The following MITF variants were observed in gnomAD, a reference collection of about 807,000 sequenced individuals.
The protein encoded by MITF is melanocyte inducing transcription factor, also known as microphthalmia-associated transcription factor.
Under a neutral mutation model 60.5 loss-of-function variants are expected in MITF, and 17 were observed. The ratio of observed to expected loss-of-function variants is 0.28; its 90% CI spans 0.19 to 0.42. The LOEUF is 0.42. Among genes scored for constraint, MITF ranks in the 10% least tolerant of loss-of-function variants. MITF has a pLI of 1.00. For missense variants in MITF, 622 were observed against 683.5 expected, an observed-to-expected ratio of 0.91 and a Z score of 1.00; for synonymous variants, 260 against 248.5, an observed-to-expected ratio of 1.05 and a Z score of -0.43.
At chr3:69,792,012 C>T (rs978468542) in intron 1 of MITF, among the ~76,000 whole-genome samples, 1 of 152,156 alleles carries the variant, frequency 6.6e-6, no homozygotes, top group Non-Finnish European at 1.5e-5. Flanking sequence ...GAGAGTTGCT[C>T]CTTGAAGTAG....
At chr3:69,869,632 C>T (rs904994623) in intron 1 of MITF, among the ~76,000 whole-genome samples, 1 of 152,142 alleles carries the variant, frequency 6.6e-6, no homozygotes, top group Non-Finnish European at 1.5e-5. Context: ...CTGAAAAGCC[C>T]TTCTGATACT....
chr3:69,945,353 C>G (rs2066069056), intron 5 of MITF, among the ~76,000 whole-genome samples: 1 of 152,130 alleles, frequency 6.6e-6, no homozygotes, highest in Admixed American at 6.5e-5. Flanking sequence ...AGTTTGTGCT[C>G]TGGAAGTGAA....
chr3:69,948,431 G>A (rs2066153747), intron 5 of MITF, among the ~76,000 whole-genome samples: 2 of 151,302 alleles, frequency 1.3e-5, no homozygotes, highest in South Asian at 4.2e-4. Context: ...TCTCTTGAAA[G>A]TGTAAATTTT....
chr3:69,895,897 T>C (rs1286997590), intron 2 of MITF, among the ~76,000 whole-genome samples: 2 of 151,616 alleles, frequency 1.3e-5, no homozygotes, highest in Admixed American at 1.3e-4. Flanking sequence ...CCATTTTCAC[T>C]GATCTTTCAA....
chr3:69,965,128 C>T lies in MITF; in HGVS notation c.1461C>T (p.Asp487=), dbSNP rs756305763. The T allele has an allele frequency of 9.9e-6, 16 of 1,613,988 alleles. No individual in the cohort carries two copies. Among genetic ancestry groups the T allele is most frequent in the East Asian group, 4.5e-5 (2 of 44,868 alleles). ...MGSKLEDILM[D]DTLSPVGVTD... ...CCAAACTGGAAGACATCCTGATGGACGACACCCTTTCTCCCGTCGGTGTCA... is the reference window on the plus strand; with the variant it reads ...CCAAACTGGAAGACATCCTGATGGATGACACCCTTTCTCCCGTCGGTGTCA... Residue 487 remains aspartate (D), a synonymous_variant, in exon 10 of 10, where the codon GAC becomes GAT. Transcript: ENST00000352241.
At chr3:69,792,857 A>C (rs574337159) in intron 1 of MITF, among the ~76,000 whole-genome samples, 1 of 152,182 alleles carries the variant, frequency 6.6e-6, no homozygotes, top group East Asian at 1.9e-4. Flanking sequence ...AAAAGATAGC[A>C]TTGCATATTT....
chr3:69,961,259 T>G (rs1205475773), intron 9 of MITF, among the ~76,000 whole-genome samples: 1 of 151,464 alleles, frequency 6.6e-6, no homozygotes, highest in African/African-American at 2.4e-5. Flanking sequence ...GGCGGGCGCC[T>G]GTAATCCCAG....
At chr3:69,838,203 G>A (rs2063569135) in intron 1 of MITF, among the ~76,000 whole-genome samples, 1 of 152,282 alleles carries the variant, frequency 6.6e-6, no homozygotes, top group African/African-American at 2.4e-5. Context: ...GGTTTGTCAA[G>A]TAGGCTATGC....
chr3:69,781,575 G>A (rs1262997828), intron 1 of MITF, among the ~76,000 whole-genome samples: 2 of 152,110 alleles, frequency 1.3e-5, no homozygotes, highest in Admixed American at 1.3e-4. Context: ...TTTTGAAAAC[G>A]TGTACAAAAT....
At chr3:69,957,605 C>G (rs1333294764) in intron 8 of MITF, among the ~76,000 whole-genome samples, 3 of 152,190 alleles carry the variant, frequency 2.0e-5, no homozygotes, top group South Asian at 2.1e-4. Context: ...ACCTTCATTT[C>G]CTATAGTCAG....
Position 69,923,524 on chromosome 3 carries a change from T to C in MITF, c.355-14298T>C, listed in dbSNP as rs1384747713. ...CACACCAGGCTAATTTTTGTATTTT[T>C]AGTAGAGATGGGGTTTCACCATGTT... On this transcript the variant is annotated intron_variant, in intron 2 of 9. Coordinates refer to ENST00000352241, the MANE Select transcript of MITF (RefSeq NM_001354604.2). Among the ~76,000 whole-genome samples the C allele has an allele frequency of 2.0e-5, 3 of 152,288 alleles. No individual in the cohort carries two copies. In the East Asian group the frequency reaches 5.8e-4, roughly 29 times the overall value.
At chr3:69,871,135 G>A (rs1353006209) in intron 1 of MITF, among the ~76,000 whole-genome samples, 3 of 152,068 alleles carry the variant, frequency 2.0e-5, no homozygotes, top group Non-Finnish European at 4.4e-5. Context: ...CTTCTCATTA[G>A]TCCTCTGTTC....
rs551853630 is a variant in MITF, at chr3:69,761,040, T to C, written c.104+21339T>C. Among the ~76,000 whole-genome samples the C allele has an allele frequency of 8.5e-5, 13 of 152,262 alleles. No individual in the cohort carries two copies. In the South Asian group the frequency reaches 2.7e-3, roughly 32 times the overall value. On this transcript the variant is annotated intron_variant, in intron 1 of 9. Coordinates refer to ENST00000352241, the MANE Select transcript of MITF (RefSeq NM_001354604.2). ...AGTGACAACAGAGCACAAAGAACAATAATAATAACAGTAGCATCTAGCATT... is the reference window on the plus strand; with the variant it reads ...AGTGACAACAGAGCACAAAGAACAACAATAATAACAGTAGCATCTAGCATT...
intron 1 of MITF, among the ~76,000 whole-genome samples, chr3:69,841,769 G>C (rs1024624686): frequency 2.0e-5 from 3 of 152,160 alleles, no homozygotes; most frequent in African/African-American, 7.2e-5. Context: ...GAAGTGGCAG[G>C]TCAATTTTAA....
rs1442495257 is a variant in MITF at position 69,755,438 on chromosome 3, T to TG, written c.104+15737_104+15738insG. Among the ~76,000 whole-genome samples the TG allele has an allele frequency of 2.9e-3, 122 of 41,794 alleles. 1 individual carries two copies. The highest frequency in any genetic ancestry group is 0.017 in the East Asian group (30 of 1,716). 27.4% of individuals were successfully genotyped at this position (41,794 alleles called of 152,430 possible). A position where few individuals can be genotyped will look rare whatever the true frequency, so the allele number is the denominator to read the frequency against. On this transcript the variant is annotated intron_variant, in intron 1 of 9. Transcript: ENST00000352241. ...TGTATCTTTTACCCTTCTGGGTTTTTTTTTTTTTTTTTTTTTTTTTTTTTT... is the reference window on the plus strand; with the variant it reads ...TGTATCTTTTACCCTTCTGGGTTTTTGTTTTTTTTTTTTTTTTTTTTTTTTT...
intron 1 of MITF, among the ~76,000 whole-genome samples, chr3:69,774,868 T>G (rs1467626251): frequency 6.6e-6 from 1 of 152,176 alleles, no homozygotes; most frequent in Admixed American, 6.5e-5. Context: ...CAATGAGCAC[T>G]GTTAGAGCTG....
At chr3:69,916,631 G>A (rs1341268447) in intron 2 of MITF, among the ~76,000 whole-genome samples, 1 of 151,744 alleles carries the variant, frequency 6.6e-6, no homozygotes, top group Non-Finnish European at 1.5e-5. Flanking sequence ...TTTAATACTA[G>A]GAAAACAAAT....
At chr3:69,838,914 A>G (rs2107131108) in intron 1 of MITF, among the ~76,000 whole-genome samples, 1 of 152,316 alleles carries the variant, frequency 6.6e-6, no homozygotes, top group Non-Finnish European at 1.5e-5. Flanking sequence ...TGTGGAGAGC[A>G]GTATGATTGA....
At chr3:69,950,227 C>T (rs954284757) in intron 6 of MITF, among the ~76,000 whole-genome samples, 2 of 151,682 alleles carry the variant, frequency 1.3e-5, no homozygotes, top group Non-Finnish European at 2.9e-5. Flanking sequence ...CTCAGGAGTT[C>T]CAGGCTGCAA....
Sources: allele counts gnomAD v4.1 joint callset (sites outside exome capture counted in the v4.1 genomes callset), GRCh38; gene constraint gnomAD v4.1.1; transcripts MANE v1.5; gene names NCBI Gene and HGNC (gene_info 2026-07-23, HGNC 2026-07-21).